Variants in KTN1 observed in about 807,000 individuals in gnomAD.
The protein encoded by KTN1 is kinectin 1.
Under a neutral mutation model 222.5 loss-of-function variants are expected in KTN1, and 130 were observed. The ratio of observed to expected loss-of-function variants is 0.58; its 90% CI spans 0.51 to 0.68. The LOEUF is 0.68. KTN1 is among the 30% of genes least tolerant of loss of function. The pLI, the probability that KTN1 is intolerant of heterozygous loss-of-function variation, is 0.00. For missense variants in KTN1, 1,508 were observed against 1,500.4 expected (o/e 1.01, Z -0.08); for synonymous variants, 512 against 496.3 (o/e 1.03, Z -0.42).
chr14:55,662,818 C>T (rs1207033509), intron 32 of KTN1: 1 of 454,762 alleles, frequency 2.2e-6, no homozygotes, highest in Non-Finnish European at 4.4e-6. Context: ...GTACTAACAG[C>T]ATTGCTTAGC....
chr14:55,611,222 G>A (rs983223981), intron 1 of KTN1, among the ~76,000 whole-genome samples: 6 of 151,508 alleles, frequency 4.0e-5, no homozygotes, highest in African/African-American at 1.2e-4. Flanking sequence ...AAGTAGCTGG[G>A]ACTACAGGCT....
At chr14:55,680,310 A>G (rs1161386403) in intron 43 of KTN1, 4 of 171,698 alleles carry the variant, frequency 2.3e-5, no homozygotes, top group Non-Finnish European at 5.0e-5. Context: ...ATTTGGTAGC[A>G]TTTTAAAATG....
chr14:55,678,320 A>G, intron 41 of KTN1, 32 bp from the exon 42 acceptor site: 1 of 1,198,428 alleles, frequency 8.3e-7, no homozygotes. Context: ...CAACTGTATT[A>G]CTTAGTAGCT....
intron 1 of KTN1, among the ~76,000 whole-genome samples, chr14:55,605,622 T>C (rs1025621654): frequency 6.6e-6 from 1 of 152,152 alleles, no homozygotes; most frequent in South Asian, 2.1e-4. Context: ...TGGATAAAAA[T>C]TTTTAAGTAA....
chr14:55,610,396 A>C (rs2037365470), intron 1 of KTN1, among the ~76,000 whole-genome samples: 1 of 152,208 alleles, frequency 6.6e-6, no homozygotes, highest in Non-Finnish European at 1.5e-5. Flanking sequence ...GTGCAGTTCA[A>C]ACCCGTGTTG....
chr14:55,652,452 G>GC (rs1275919317), intron 25 of KTN1, among the ~76,000 whole-genome samples: 1 of 143,148 alleles, frequency 7.0e-6, no homozygotes, highest in Non-Finnish European at 1.5e-5. Flanking sequence ...AGGCTGGAGT[G>GC]CAGTGGCATG....
At chr14:55,611,781 T>C (rs967736692) in intron 1 of KTN1, among the ~76,000 whole-genome samples, 1 of 152,214 alleles carries the variant, frequency 6.6e-6, no homozygotes, top group Non-Finnish European at 1.5e-5. Flanking sequence ...TCACATGATT[T>C]AGAAATGGAA....
At chr14:55,639,842 A>G (rs2041577808) in intron 13 of KTN1, 71 bp from the exon 14 acceptor site, 2 of 963,284 alleles carry the variant, frequency 2.1e-6, no homozygotes. Flanking sequence ...GATGCTTTTT[A>G]AGGCTTTAAA....
intron 2 of KTN1, among the ~76,000 whole-genome samples, chr14:55,613,170 G>A (rs773321484): frequency 5.3e-5 from 8 of 152,210 alleles, no homozygotes; most frequent in Non-Finnish European, 5.9e-5. Flanking sequence ...TCGTGTGCTA[G>A]CTGTAGACAC....
In KTN1 at chr14:55,678,349, T is replaced by C. The variant is rs200842040; in HGVS notation, c.3856-3T>C. ...AGTAGCTACCATATTGTTTTCCTTA[T>C]AGGCTCAACAGTCACTGGAGCTTAT... On this transcript the variant is annotated splice_region_variant and splice_polypyrimidine_tract_variant and intron_variant, in intron 41 of 43. Transcript: ENST00000395314. The C allele has an allele frequency of 1.3e-3, 2,017 of 1,579,172 alleles. 6 individuals are homozygous for C. The highest frequency in any genetic ancestry group is 1.3e-3 in the Non-Finnish European group (1,512 of 1,148,426).
chr14:55,582,621 A>G (rs1042905479), intron 1 of KTN1, among the ~76,000 whole-genome samples: 6 of 149,844 alleles, frequency 4.0e-5, no homozygotes, highest in Non-Finnish European at 8.8e-5. Context: ...TCTTAACTTG[A>G]ATGGAACATG....
intron 5 of KTN1, among the ~76,000 whole-genome samples, chr14:55,623,383 TG>T (rs1476317810): frequency 6.6e-6 from 1 of 152,260 alleles, no homozygotes; most frequent in African/African-American, 2.4e-5. Context: ...TTTTTATTTT[TG>T]TTTTTATTTT....
At chr14:55,661,069 C>G (rs1021191267) in intron 31 of KTN1, among the ~76,000 whole-genome samples, 2 of 152,154 alleles carry the variant, frequency 1.3e-5, no homozygotes, top group African/African-American at 4.8e-5. Flanking sequence ...CAGGAAAACA[C>G]TGAGCTCATT....
At chr14:55,639,273 T>C (rs1435407509) in intron 13 of KTN1, 51 bp downstream of exon 13, 3 of 1,274,344 alleles carry the variant, frequency 2.4e-6, no homozygotes, top group South Asian at 1.2e-5. Context: ...CACTAACTGA[T>C]ACTTGTTAGA....
intron 27 of KTN1, 88 bp downstream of exon 27, chr14:55,653,173 C>CT (rs2043120641): frequency 4.4e-6 from 4 of 907,264 alleles, no homozygotes; most frequent in Admixed American, 4.7e-5. Flanking sequence ...TTAATATGTT[C>CT]TGAGTTTCTT....
In KTN1 at chr14:55,684,228, T is replaced by C; in HGVS notation, c.*125T>C. On this transcript the variant is annotated 3_prime_UTR_variant, in exon 44 of 44. Coordinates refer to ENST00000395314, the MANE Select transcript of KTN1 (RefSeq NM_001079521.2). ...GAAACACTGAACAGAGTTTTGTCTT[T>C]TCTAATCCTTGTTAGACTACTGATT... is the stretch of plus-strand genomic sequence containing the variant. The C allele has an allele frequency of 1.4e-6, 1 of 693,934 alleles. No homozygotes were observed. Among genetic ancestry groups the C allele is most frequent in the Non-Finnish European group, 2.3e-6 (1 of 431,078 alleles). 43.0% of individuals were successfully genotyped at this position (693,934 alleles called of 1,614,324 possible).
intron 12 of KTN1, 59 bp downstream of exon 12, chr14:55,637,906 T>C (rs2041326738): frequency 7.8e-7 from 1 of 1,277,156 alleles, no homozygotes; most frequent in African/African-American, 1.5e-5. Flanking sequence ...AACACTCACC[T>C]GAATGTCTGT....
intron 3 of KTN1, 42 bp from the exon 4 acceptor site, chr14:55,617,922 T>G (rs539484339): frequency 1.4e-6 from 2 of 1,417,116 alleles, no homozygotes; most frequent in South Asian, 2.7e-5. Context: ...TACTCTGTTT[T>G]GTAAAAATTC....
intron 1 of KTN1, among the ~76,000 whole-genome samples, chr14:55,581,442 GGTGTGTGTGTGTGTGTGAGTGT>G (rs1555352518): frequency 6.6e-6 from 1 of 150,664 alleles, no homozygotes; most frequent in Admixed American, 6.6e-5. Flanking sequence ...TAACTGTTAA[GGTGTGTGTGTGTGTGTGAGTGT>G]GTGTGTGTGA....
Sources: gnomAD v4.1 joint callset for allele counts (sites outside exome capture counted in the v4.1 genomes callset) on GRCh38, gnomAD v4.1.1 for gene constraint, MANE v1.5 for transcripts, NCBI Gene and HGNC (gene_info 2026-07-23, HGNC 2026-07-21) for gene names.